ZFP36L1: variants seen among roughly 807,000 people sequenced by gnomAD.
ZFP36L1 encodes the protein mRNA decay activator protein ZFP36L1.
In ZFP36L1, 4 loss-of-function variants were observed where a neutral mutation model predicts 16.7. That is an observed-to-expected ratio of 0.24 (90% confidence interval 0.12 to 0.55). The LOEUF is 0.55. Among genes scored for constraint, ZFP36L1 ranks in the 20% least tolerant of loss-of-function variants. The pLI is 0.94. For missense variants in ZFP36L1, 311 were observed against 449.2 expected, an observed-to-expected ratio of 0.69 and a Z score of 2.78; for synonymous variants, 220 against 190.8, an observed-to-expected ratio of 1.15 and a Z score of -1.26.
At chr14:68,795,898 GAGCCGACCCGC>G (rs772512547), upstream of ZFP36L1, 5 of 877,118 alleles carry the variant, frequency 5.7e-6, no homozygotes, top group Admixed American at 9.6e-5. Flanking sequence ...CCGAGGGCGG[GAGCCGACCCGC>G]CCTCGCCCAG....
rs1268741414 is a variant in ZFP36L1, at chr14:68,790,226, G to T, written c.324C>A (p.Gly108=). The T allele has an allele frequency of 6.2e-7, 1 of 1,612,570 alleles. No individual in the cohort carries two copies. The highest frequency in any genetic ancestry group is 1.3e-5 in the African/African-American group (1 of 74,938). Residue 108 remains glycine (G), a synonymous_variant, in exon 2 of 2, where the codon GGC becomes GGA. Transcript: ENST00000439696. ...LLPTQKQPGG[G]QVNSSRYKTE... Reference sequence around the variant, plus strand: ...TCTTGTAGCGGCTGGAGTTGACCTGGCCGCCCCCGGGCTGCTTCTGGGTGG... The same window carrying T: ...TCTTGTAGCGGCTGGAGTTGACCTGTCCGCCCCCGGGCTGCTTCTGGGTGG...
chr14:68,792,299 G>GGAA (rs1279484445), intron 1 of ZFP36L1, among the ~76,000 whole-genome samples: 1 of 152,096 alleles, frequency 6.6e-6, no homozygotes, highest in Non-Finnish European at 1.5e-5. Flanking sequence ...GGCTATCGCG[G>GGAA]GAAGAAGCCC....
Position 68,789,796 on chromosome 14 carries a change from C to G in ZFP36L1, c.754G>C (p.Ala252Pro). The G allele has an allele frequency of 1.2e-6, 2 of 1,613,538 alleles. No homozygotes were observed. Among genetic ancestry groups the G allele is most frequent in the Non-Finnish European group, 1.7e-6 (2 of 1,179,998 alleles). Residue 252 changes from alanine to proline, a missense_variant, in exon 2 of 2, where the codon GCC becomes CCC. Physicochemically the swap from Ala to Pro is conservative, Grantham distance 27. Around this residue, in one of 4 missense-constraint regions of ZFP36L1, gnomAD observed 147 missense variants for 192.0 expected, o/e 0.77. Transcript: ENST00000439696. The surrounding 1 kb of genome is among the most constrained non-coding windows in gnomAD (Gnocchi z 4.5). Reference protein sequence around the residue: ...TLPDGTNNPFAFSSQELASLF... With the variant: ...TLPDGTNNPFPFSSQELASLF... The stretch of plus-strand genomic sequence containing the variant: ...CTTGCCAGCTCCTGGCTGGAGAAGG[C>G]AAAAGGGTTATTGGTGCCATCGGGC...
At chr14:68,793,478 C>T, upstream of ZFP36L1, 1 of 988,484 alleles carries the variant, frequency 1.0e-6, no homozygotes, top group South Asian at 4.5e-5. Context: ...ACTCATTCCA[C>T]TCCCTCCGGG....
chr14:68,790,847 T>C (rs1035466994), intron 1 of ZFP36L1: 1 of 585,934 alleles, frequency 1.7e-6, no homozygotes, highest in African/African-American at 1.9e-5. Flanking sequence ...AACCCAGACC[T>C]CTCTAGATTA....
chr14:68,792,058 C>T (rs559043812), intron 1 of ZFP36L1, among the ~76,000 whole-genome samples: 1 of 152,332 alleles, frequency 6.6e-6, no homozygotes, highest in Non-Finnish European at 1.5e-5. Flanking sequence ...AACCGCAGTC[C>T]TGGAACATTC....
At chr14:68,796,205 G>T (rs759797181), upstream of ZFP36L1, 33 of 1,366,698 alleles carry the variant, frequency 2.4e-5, no homozygotes, top group African/African-American at 4.7e-4. Context: ...TTAGCTTGGA[G>T]GTGGTGGTGG....
upstream of ZFP36L1, chr14:68,793,680 C>A (rs983686090): frequency 1.0e-6 from 1 of 985,420 alleles, no homozygotes; most frequent in Non-Finnish European, 1.2e-6. Flanking sequence ...ACACTCGGCT[C>A]CCTTCGGCAA....
chr14:68,791,279 C>G (rs554662420), intron 1 of ZFP36L1: 1 of 546,536 alleles, frequency 1.8e-6, no homozygotes, highest in East Asian at 3.1e-5. Flanking sequence ...TGGATAAGAG[C>G]TCCAGTGTTT....
intron 1 of ZFP36L1, 78 bp downstream of exon 1, chr14:68,792,804 G>T: frequency 1.3e-6 from 2 of 1,588,018 alleles, no homozygotes; most frequent in South Asian, 1.1e-5. Context: ...TGCCTTCCAA[G>T]ACCCAAACTT....
upstream of ZFP36L1, among the ~76,000 whole-genome samples, chr14:68,795,640 C>T (rs1289868407): frequency 6.6e-6 from 1 of 152,250 alleles, no homozygotes; most frequent in Non-Finnish European, 1.5e-5. Flanking sequence ...CCTCCCCTCC[C>T]CCTCTCCCCG....
intron 1 of ZFP36L1, among the ~76,000 whole-genome samples, chr14:68,792,439 G>C (rs1895110265): frequency 2.0e-5 from 3 of 152,234 alleles, no homozygotes; most frequent in East Asian, 1.9e-4. Flanking sequence ...ATTGTCCCGA[G>C]ACTCACTTCC....
At chr14:68,795,881 T>G, upstream of ZFP36L1, 1 of 677,330 alleles carries the variant, frequency 1.5e-6, no homozygotes, top group Non-Finnish European at 2.6e-6. Context: ...CCCGCCGCGG[T>G]GAGGGCCCGA....
upstream of ZFP36L1, chr14:68,793,917 G>C (rs1403522433): frequency 1.0e-6 from 1 of 984,034 alleles, no homozygotes; most frequent in Admixed American, 6.1e-5. Flanking sequence ...GCGCTCTCCG[G>C]GTGTGGGCGG....
At chr14:68,791,592 G>A (rs1018709234) in intron 1 of ZFP36L1, among the ~76,000 whole-genome samples, 5 of 151,940 alleles carry the variant, frequency 3.3e-5, no homozygotes, top group African/African-American at 1.2e-4. Context: ...ACCCCACCGA[G>A]AGGATTACAG....
intron 1 of ZFP36L1, among the ~76,000 whole-genome samples, chr14:68,792,473 C>T (rs572490265): frequency 6.6e-6 from 1 of 152,292 alleles, no homozygotes; most frequent in Non-Finnish European, 1.5e-5. Flanking sequence ...CACTCCCAAC[C>T]CCACGGGTGG....
chr14:68,790,878 C>A, intron 1 of ZFP36L1: 2 of 553,476 alleles, frequency 3.6e-6, no homozygotes, highest in South Asian at 4.7e-5. Context: ...CCCCCGCCAC[C>A]GCCCGCGACA....
intron 1 of ZFP36L1, chr14:68,791,378 TG>T (rs984155568): frequency 8.9e-6 from 4 of 448,008 alleles, no homozygotes; most frequent in Non-Finnish European, 1.6e-5. Flanking sequence ...TTGGGGGTGG[TG>T]GGGATGGGGG....
At chr14:68,792,840 G>A (rs770797422) in intron 1 of ZFP36L1, 42 bp downstream of exon 1, 1 of 1,613,414 alleles carries the variant, frequency 6.2e-7, no homozygotes. Flanking sequence ...TAAGGCAAAA[G>A]AAAAAGACTT....
Sources: allele counts gnomAD v4.1 joint callset (sites outside exome capture counted in the v4.1 genomes callset), GRCh38; gene constraint gnomAD v4.1.1; regional missense constraint gnomAD v4.1.1; non-coding constraint Gnocchi (gnomAD v3.1); transcripts MANE v1.5; gene names NCBI Gene and HGNC (gene_info 2026-07-23, HGNC 2026-07-21).